Variants in ATG2B observed in about 807,000 individuals in gnomAD.
ATG2B encodes the protein autophagy-related protein 2 homolog B.
ATG2B carries 121 observed loss-of-function variants against 241.3 expected under a neutral mutation model. The ratio of observed to expected loss-of-function variants is 0.50; its 90% CI spans 0.43 to 0.58. The LOEUF (loss-of-function observed/expected upper bound fraction) is 0.58, where lower values mean the gene tolerates loss of function less well. Among genes scored for constraint, ATG2B ranks in the 20% least tolerant of loss-of-function variants. The pLI, the probability that ATG2B is intolerant of heterozygous loss-of-function variation, is 0.00. For synonymous variants in ATG2B, 858 were observed against 876.6 expected (o/e 0.98, Z 0.37); for missense variants, 2,306 against 2,491.6 (o/e 0.93, Z 1.59).
intron 4 of ATG2B, among the ~76,000 whole-genome samples, chr14:96,343,756 G>A (rs1888104328): frequency 6.6e-6 from 1 of 152,170 alleles, no homozygotes; most frequent in South Asian, 2.1e-4. Flanking sequence ...TCCTATATGT[G>A]ACTAATTTTC....
intron 6 of ATG2B, among the ~76,000 whole-genome samples, chr14:96,337,205 T>G (rs1242455199): frequency 6.6e-6 from 1 of 152,188 alleles, no homozygotes; most frequent in Admixed American, 6.6e-5. Flanking sequence ...TGGTAGTCAC[T>G]TGAACATCTA....
At chr14:96,313,469 A>C in intron 23 of ATG2B, 34 bp from the exon 24 acceptor site, 1 of 1,221,802 alleles carries the variant, frequency 8.2e-7, no homozygotes, top group Non-Finnish European at 1.2e-6. Flanking sequence ...GCCCTGCTTT[A>C]GAAGAAAAAA....
chr14:96,289,243 A>T lies in ATG2B; in HGVS notation c.6006+413T>A, dbSNP rs928109760. The stretch of plus-strand genomic sequence containing the variant: ...ACTATATAAAAACATGTACAAAAAA[A>T]TATGTTCCACGTTCAGCATAGTGAA... On this transcript the variant is annotated intron_variant, in intron 41 of 41. Coordinates refer to ENST00000359933, the MANE Select transcript of ATG2B (RefSeq NM_018036.7). This position sits in a 1 kb window ranked among gnomAD's most constrained non-coding sequence, Gnocchi z 4.3. Among the ~76,000 whole-genome samples, 1 of 152,228 alleles carries T rather than the reference A, an allele frequency of 6.6e-6. No homozygotes were observed. The highest frequency in any genetic ancestry group is 1.5e-5 in the Non-Finnish European group (1 of 68,044).
intron 25 of ATG2B, 103 bp downstream of exon 25, chr14:96,312,962 C>T (rs959685762): frequency 6.1e-5 from 42 of 688,888 alleles, no homozygotes; most frequent in African/African-American, 5.9e-4. Context: ...AGTAAAAGAA[C>T]GTTTAACAAA....
At chr14:96,356,992 GC>G (rs1369577844) in intron 1 of ATG2B, among the ~76,000 whole-genome samples, 1 of 152,048 alleles carries the variant, frequency 6.6e-6, no homozygotes, top group African/African-American at 2.4e-5. Flanking sequence ...CCCTAACCTT[GC>G]TCCATGTTCC....
Position 96,311,108 on chromosome 14 carries a change from T to A in ATG2B, c.4161+9A>T. ...GCAGGGACTGGAGGAATCACATTGC[T>A]GACTGTACCTTAGACCTTCTTTGAA... is the stretch of plus-strand genomic sequence containing the variant. On this transcript the variant is annotated intron_variant, in intron 28 of 41. Transcript: ENST00000359933. 6.2e-7 allele frequency: 1 copy of A among 1,601,870 alleles called. No individual in the cohort carries two copies. The highest frequency in any genetic ancestry group is 8.5e-7 in the Non-Finnish European group (1 of 1,172,860).
At chr14:96,350,480 G>A (rs1233276482) in intron 1 of ATG2B, among the ~76,000 whole-genome samples, 1 of 152,210 alleles carries the variant, frequency 6.6e-6, no homozygotes, top group Non-Finnish European at 1.5e-5. Context: ...AATATTTAAA[G>A]TACTAGTGAT....
intron 2 of ATG2B, among the ~76,000 whole-genome samples, chr14:96,346,005 A>G (rs1370004316): frequency 6.6e-6 from 1 of 152,214 alleles, no homozygotes; most frequent in Non-Finnish European, 1.5e-5. Flanking sequence ...AGTTAAAGAA[A>G]TAAGATACGA....
At chr14:96,331,789 G>T in intron 10 of ATG2B, 152 bp from the exon 11 acceptor site, 1 of 664,848 alleles carries the variant, frequency 1.5e-6, no homozygotes, top group Non-Finnish European at 2.4e-6. Context: ...AAAATCAACT[G>T]CTATCTTGCT....
chr14:96,308,992 T>C (rs1351729035), intron 29 of ATG2B, among the ~76,000 whole-genome samples: 5 of 152,222 alleles, frequency 3.3e-5, no homozygotes, highest in African/African-American at 1.2e-4. Flanking sequence ...CTGTGCTCTG[T>C]TGATGTTAAT....
intron 1 of ATG2B, among the ~76,000 whole-genome samples, chr14:96,354,708 A>G (rs1400268354): frequency 1.3e-5 from 2 of 152,228 alleles, no homozygotes; most frequent in African/African-American, 2.4e-5. Flanking sequence ...ACTGTCTTCC[A>G]TAATGGTTAA....
At chr14:96,338,430 T>A (rs961138811) in intron 6 of ATG2B, among the ~76,000 whole-genome samples, 1 of 152,158 alleles carries the variant, frequency 6.6e-6, no homozygotes, top group Non-Finnish European at 1.5e-5. Flanking sequence ...GTTTGTTATA[T>A]ATGTCTTTTA....
At chr14:96,311,730 C>T (rs1887164070) in intron 26 of ATG2B, 112 bp from the exon 27 acceptor site, 2 of 662,082 alleles carry the variant, frequency 3.0e-6, no homozygotes, top group African/African-American at 1.9e-5. Flanking sequence ...GAGAGCACTA[C>T]AAATAATTAT....
Position 96,289,801 on chromosome 14 carries a change from G to A in ATG2B, c.5861C>T (p.Ala1954Val), listed in dbSNP as rs1348665835. ...TNRMVQTIQA[A>V]AETAYDMVSP... The stretch of plus-strand genomic sequence containing the variant: ...CACCATATCATAAGCAGTCTCTGCA[G>A]CTGCCTGGATCATTTTGTCAAAAGG... Residue 1954 changes from alanine to valine, a missense_variant, in exon 41 of 42, where the codon GCT (alanine) becomes GTT (valine). This residue lies in a region of ATG2B where 379 missense variants were observed against 480.4 expected (regional missense o/e 0.79). Coordinates refer to ENST00000359933, the MANE Select transcript of ATG2B (RefSeq NM_018036.7). The surrounding 1 kb of genome is among the most constrained non-coding windows in gnomAD (Gnocchi z 4.3). The A allele has an allele frequency of 1.2e-6, 2 of 1,614,036 alleles. No homozygotes were observed. The highest frequency in any genetic ancestry group is 2.2e-5 in the East Asian group (1 of 44,874).
Position 96,317,139 on chromosome 14 carries a change from C to A in ATG2B, c.3210+6G>T. On this transcript the variant is annotated splice_donor_region_variant and intron_variant, in intron 20 of 41. Transcript: ENST00000359933. ...TGAAAAAACACTTCGGATTTGTAAA[C>A]CTCACCTTCACATCTGTGAACACTG... 6.3e-7 allele frequency: 1 copy of A among 1,596,982 alleles called. No individual in the cohort carries two copies. The highest frequency in any genetic ancestry group is 1.3e-5 in the African/African-American group (1 of 74,170).
chr14:96,353,606 A>G (rs1377839221), intron 1 of ATG2B, among the ~76,000 whole-genome samples: 1 of 151,124 alleles, frequency 6.6e-6, no homozygotes, highest in African/African-American at 2.4e-5. Context: ...AGCCAGGGCG[A>G]AACAGTGAGA....
Position 96,322,750 on chromosome 14 carries a change from A to T in ATG2B, c.2541-15T>A, listed in dbSNP as rs1851237737. 1 of 1,605,236 alleles carries T rather than the reference A, an allele frequency of 6.2e-7. No individual in the cohort carries two copies. Among genetic ancestry groups the T allele is most frequent in the South Asian group, 1.1e-5 (1 of 89,864 alleles). ...TCAGTACAATTCTGATAGCAAAGAC[A>T]ATTTTAAAAAGACCAAGATCTAAGT... On this transcript the variant is annotated splice_polypyrimidine_tract_variant and intron_variant, in intron 16 of 41. Transcript: ENST00000359933.
intron 32 of ATG2B, 121 bp from the exon 33 acceptor site, chr14:96,303,376 A>C: frequency 1.3e-6 from 1 of 752,146 alleles, no homozygotes; most frequent in Non-Finnish European, 1.9e-6. Flanking sequence ...TCAGCTTACA[A>C]TTCCACCTTC....
In ATG2B at chr14:96,317,238, T is replaced by G. The variant is rs750329885; in HGVS notation, c.3117A>C (p.Lys1039Asn). 1 of 1,613,936 alleles carries G rather than the reference T, an allele frequency of 6.2e-7. No individual in the cohort carries two copies. The highest frequency in any genetic ancestry group is 1.1e-5 in the South Asian group (1 of 91,070). Residue 1039 changes from lysine to asparagine, a missense_variant, in exon 20 of 42, where the codon AAA becomes AAC. By Grantham distance (94) the Lys-to-Asn change is moderately conservative. Around this residue, in one of 2 missense-constraint regions of ATG2B, gnomAD observed 1,927 missense variants for 2,011.2 expected, o/e 0.96. Coordinates refer to ENST00000359933, the MANE Select transcript of ATG2B (RefSeq NM_018036.7). ...VDPNYRSRRK[K>N]KLDSQNKNSQ... ...AGTTCTTGTTCTGAGAGTCTAATTT[T>G]TTTTTCCTGCGAGAACGATAGTTGG...
Sources: gnomAD v4.1 joint callset for allele counts (sites outside exome capture counted in the v4.1 genomes callset) on GRCh38, gnomAD v4.1.1 for gene constraint, gnomAD v4.1.1 regional missense constraint, Gnocchi (gnomAD v3.1) non-coding constraint, MANE v1.5 for transcripts, NCBI Gene and HGNC (gene_info 2026-07-23, HGNC 2026-07-21) for gene names.